Variants in SEMA5A observed in about 807,000 individuals in gnomAD.
The protein encoded by SEMA5A is semaphorin 5A.
In SEMA5A, 55 loss-of-function variants were observed where a neutral mutation model predicts 135.5. That is an observed-to-expected ratio of 0.41 (90% CI 0.33 to 0.51). The LOEUF (loss-of-function observed/expected upper bound fraction) is 0.51. SEMA5A is among the 20% of genes least tolerant of loss of function. SEMA5A has a pLI of 0.37. For synonymous variants in SEMA5A, 580 were observed against 546.5 expected (o/e 1.06, Z -0.85); for missense variants, 1,290 against 1,419.9 (o/e 0.91, Z 1.47).
At chr5:9,454,186 C>A (rs1758748135) in intron 1 of SEMA5A, among the ~76,000 whole-genome samples, 1 of 152,152 alleles carries the variant, frequency 6.6e-6, no homozygotes, top group African/African-American at 2.4e-5. Flanking sequence ...AGGCTGGTGG[C>A]CAAGGTCACG....
At chr5:9,182,161 A>ACC (rs1560995550) in intron 11 of SEMA5A, among the ~76,000 whole-genome samples, 4 of 119,942 alleles carry the variant, frequency 3.3e-5, no homozygotes, top group Non-Finnish European at 6.6e-5. Flanking sequence ...CCCCCACCCC[A>ACC]AAAAAAAATA....
At chr5:9,331,913 G>C (rs372341025) in intron 4 of SEMA5A, among the ~76,000 whole-genome samples, 1 of 152,172 alleles carries the variant, frequency 6.6e-6, no homozygotes, top group Non-Finnish European at 1.5e-5. Context: ...AAACGAAAAG[G>C]ATCAGAAATC....
chr5:9,186,536 C>G, intron 11 of SEMA5A, among the ~76,000 whole-genome samples: 1 of 152,200 alleles, frequency 6.6e-6, no homozygotes, highest in Non-Finnish European at 1.5e-5. Flanking sequence ...AGGAAGGACT[C>G]TAGCTTCACA....
rs373934439 is a variant in SEMA5A, at chr5:9,359,591, G to A, written c.124+20232C>T. On this transcript the variant is annotated intron_variant, in intron 3 of 22. Coordinates refer to ENST00000382496, the MANE Select transcript of SEMA5A (RefSeq NM_003966.3). ...TGAGTCAGTCCTTCCTTTCCTGAAG[G>A]TCATGATGTAACTTTTGCACCTATA... 9.2e-5 allele frequency among the ~76,000 whole-genome samples: 14 copies of A among 152,274 alleles called. No individual in the cohort carries two copies. In the East Asian group the frequency reaches 1.4e-3, roughly 15 times the overall value.
intron 1 of SEMA5A, among the ~76,000 whole-genome samples, chr5:9,506,414 C>A (rs1023571809): frequency 6.6e-6 from 1 of 152,108 alleles, no homozygotes; most frequent in Non-Finnish European, 1.5e-5. Context: ...ATATTAGAAA[C>A]CTTTCATTTT....
chr5:9,174,845 C>T (rs1450558839), intron 11 of SEMA5A, among the ~76,000 whole-genome samples: 1 of 152,184 alleles, frequency 6.6e-6, no homozygotes, highest in African/African-American at 2.4e-5. Context: ...CTACCGTGCC[C>T]TTCATGTTAG....
chr5:9,097,961 G>C (rs1396421558), intron 16 of SEMA5A, among the ~76,000 whole-genome samples: 1 of 152,108 alleles, frequency 6.6e-6, no homozygotes, highest in East Asian at 1.9e-4. Flanking sequence ...TAAAAAATAA[G>C]GGCTGAGTGT....
intron 1 of SEMA5A, among the ~76,000 whole-genome samples, chr5:9,501,279 C>T (rs904415691): frequency 3.3e-5 from 5 of 152,194 alleles, no homozygotes; most frequent in Non-Finnish European, 7.3e-5. Context: ...AAAGTCTATG[C>T]TTACTTGCAT....
chr5:9,326,397 C>T (rs551996877), intron 4 of SEMA5A, among the ~76,000 whole-genome samples: 15 of 152,214 alleles, frequency 9.9e-5, no homozygotes, highest in East Asian at 3.9e-4. Flanking sequence ...ATTACAGGTG[C>T]GCGCCACCAT....
intron 11 of SEMA5A, among the ~76,000 whole-genome samples, chr5:9,172,581 C>T (rs1418485469): frequency 6.6e-6 from 1 of 152,078 alleles, no homozygotes; most frequent in Non-Finnish European, 1.5e-5. Flanking sequence ...AAATTAATTA[C>T]TAAATTTTTA....
intron 10 of SEMA5A, among the ~76,000 whole-genome samples, chr5:9,195,127 T>C (rs930356248): frequency 3.9e-5 from 6 of 152,192 alleles, no homozygotes; most frequent in East Asian, 1.9e-4. Context: ...AGACGAAATA[T>C]GCATTTACAC....
At chr5:9,384,871 T>C (rs561336652) in intron 2 of SEMA5A, among the ~76,000 whole-genome samples, 41 of 152,322 alleles carry the variant, frequency 2.7e-4, no homozygotes, top group Non-Finnish European at 2.1e-4. Flanking sequence ...AAATTTGTGT[T>C]GAGTCATTCA....
At chr5:9,517,753 A>C (rs1736606258) in intron 1 of SEMA5A, 1 of 152,202 alleles carries the variant, frequency 6.6e-6, no homozygotes, top group Non-Finnish European at 1.5e-5. Flanking sequence ...TATGAAGAAA[A>C]TAATGTCACA....
chr5:9,219,060 A>G (rs1579639663), intron 8 of SEMA5A, among the ~76,000 whole-genome samples: 1 of 152,230 alleles, frequency 6.6e-6, no homozygotes, highest in East Asian at 1.9e-4. Flanking sequence ...CAGTATGCAG[A>G]TGAGGAAGCC....
At chr5:9,239,867 A>G (rs1290233474) in intron 5 of SEMA5A, among the ~76,000 whole-genome samples, 1 of 152,098 alleles carries the variant, frequency 6.6e-6, no homozygotes, top group Non-Finnish European at 1.5e-5. Context: ...GTTCTCTTCT[A>G]TAAACATGAA....
At chr5:9,375,303 G>A (rs1755319380) in intron 3 of SEMA5A, among the ~76,000 whole-genome samples, 1 of 152,092 alleles carries the variant, frequency 6.6e-6, no homozygotes, top group South Asian at 2.1e-4. Context: ...TTAAGATGAG[G>A]TCGTACTGGA....
At chr5:9,307,171 T>C (rs1165354583) in intron 5 of SEMA5A, among the ~76,000 whole-genome samples, 2 of 152,160 alleles carry the variant, frequency 1.3e-5, no homozygotes, top group African/African-American at 4.8e-5. Context: ...ATTGAAGGGA[T>C]CATGTAGTAT....
At position 9,186,351 on chromosome 5, in the gene SEMA5A, A is replaced by G. The variant is rs374633074; in HGVS notation, c.1273+3916T>C. 2.0e-5 allele frequency among the ~76,000 whole-genome samples: 3 copies of G among 152,346 alleles called. No individual in the cohort carries two copies. In the East Asian group the frequency reaches 5.8e-4, roughly 29 times the overall value. On this transcript the variant is annotated intron_variant, in intron 11 of 22. Transcript: ENST00000382496. ...CACCAGCAAGAGAAGTCTAGCTCAC[A>G]TGGATCTGTAGACAATATGGACAAA... is the stretch of plus-strand genomic sequence containing the variant.
intron 1 of SEMA5A, among the ~76,000 whole-genome samples, chr5:9,481,049 G>A (rs370100567): frequency 1.9e-4 from 29 of 152,154 alleles, no homozygotes; most frequent in East Asian, 7.7e-4. Context: ...AAGTTCAAGC[G>A]ATTCTCCTGC....
Sources: allele counts gnomAD v4.1 joint callset (sites outside exome capture counted in the v4.1 genomes callset), GRCh38; gene constraint gnomAD v4.1.1; transcripts MANE v1.5; gene names NCBI Gene and HGNC (gene_info 2026-07-23, HGNC 2026-07-21).